The following ABCC1 variants were observed in gnomAD, a reference collection of about 807,000 sequenced individuals.
ABCC1 encodes the protein ATP binding cassette subfamily C member 1 (ABCC1 blood group).
ABCC1 carries 83 observed loss-of-function variants against 172.9 expected under a neutral mutation model. The observed-to-expected ratio is 0.48, with a 90% CI of 0.40 to 0.58. The LOEUF is 0.58. Among genes scored for constraint, ABCC1 ranks in the 20% least tolerant of loss-of-function variants. The probability of loss-of-function intolerance (pLI) is 0.00; values close to 1 mark genes in which losing one functional copy is unlikely to be tolerated. For synonymous variants in ABCC1, 937 were observed against 825.2 expected (o/e 1.14, Z -2.32); for missense variants, 1,817 against 2,002.7 (o/e 0.91, Z 1.77).
intron 19 of ABCC1, 96 bp downstream of exon 19, chr16:16,090,684 GGCGGC>G: frequency 7.3e-7 from 1 of 1,372,042 alleles, no homozygotes; most frequent in Non-Finnish European, 9.7e-7. Flanking sequence ...ACTTGGGGAA[GGCGGC>G]TCCTCAGGGC....
At chr16:16,000,889 G>C (rs1467657768) in intron 1 of ABCC1, among the ~76,000 whole-genome samples, 1 of 152,200 alleles carries the variant, frequency 6.6e-6, no homozygotes, top group Non-Finnish European at 1.5e-5. Flanking sequence ...ACCTGAGTTG[G>C]ATTTTGAAGG....
At chr16:16,075,371 T>C (rs2050515567) in intron 14 of ABCC1, among the ~76,000 whole-genome samples, 1 of 151,442 alleles carries the variant, frequency 6.6e-6, no homozygotes, top group African/African-American at 2.4e-5. Context: ...ATGCCTGTAA[T>C]CCCGGCACTT....
chr16:16,101,016 T>C (rs1256169950), intron 19 of ABCC1, among the ~76,000 whole-genome samples: 1 of 99,442 alleles, frequency 1.0e-5, no homozygotes, highest in Non-Finnish European at 1.9e-5. Context: ...GTTTTTTAGA[T>C]TTTTTTTTTA....
chr16:15,954,418 C>T (rs2045942532), intron 1 of ABCC1, among the ~76,000 whole-genome samples: 1 of 152,090 alleles, frequency 6.6e-6, no homozygotes, highest in African/African-American at 2.4e-5. Context: ...GATGTCAGAT[C>T]TTGGGGGGCC....
rs2050356157 is a variant in ABCC1, at chr16:16,071,702, A to G, written c.1885A>G (p.Ser629Gly). Residue 629 changes from serine to glycine, a missense_variant, in exon 14 of 31, where the codon AGC becomes GGC. Coordinates refer to ENST00000399410, the MANE Select transcript of ABCC1 (RefSeq NM_004996.4). Reference protein sequence around the residue: ...FLSHEELEPDSIERRPVKDGG... With the variant: ...FLSHEELEPDGIERRPVKDGG... Reference sequence around the variant, plus strand: ...CTCCCATGAGGAGCTGGAACCTGACAGCATCGAGCGACGGCCTGTCAAAGA... The same window carrying G: ...CTCCCATGAGGAGCTGGAACCTGACGGCATCGAGCGACGGCCTGTCAAAGA... 6.2e-7 allele frequency: 1 copy of G among 1,613,970 alleles called. No individual in the cohort carries two copies. Among genetic ancestry groups the G allele is most frequent in the Non-Finnish European group, 8.5e-7 (1 of 1,179,966 alleles).
At chr16:15,984,690 C>A (rs1377357455) in intron 1 of ABCC1, among the ~76,000 whole-genome samples, 1 of 152,002 alleles carries the variant, frequency 6.6e-6, no homozygotes, top group South Asian at 2.1e-4. Context: ...GTGATCTGCC[C>A]ACCTTGGCCT....
rs1315797751 is a variant in ABCC1 at position 16,018,924 on chromosome 16, G to T, written c.615+2303G>T. On this transcript the variant is annotated intron_variant, in intron 5 of 30. Coordinates refer to ENST00000399410, the MANE Select transcript of ABCC1 (RefSeq NM_004996.4). ...AGGCCAAGGCTAGAGGATCGCTTGA[G>T]CCCAGGGGTCACCCCATTTTGGATC... Among the ~76,000 whole-genome samples, 6 of 152,078 alleles carry T rather than the reference G, an allele frequency of 3.9e-5. No individual in the cohort carries two copies. In the South Asian group the frequency reaches 1.2e-3, roughly 31 times the overall value.
rs572852787 is a variant in ABCC1 at position 16,056,879 on chromosome 16, C to G, written c.1677+584C>G. On this transcript the variant is annotated intron_variant, in intron 12 of 30. Transcript: ENST00000399410. ...CCCCCTGCTTCCTGCATTAAGATAG[C>G]CTTGCAAGACAAAAAGTGCGAGCTG... is the stretch of plus-strand genomic sequence containing the variant. Among the ~76,000 whole-genome samples, 6 of 152,280 alleles carry G rather than the reference C, an allele frequency of 3.9e-5. No homozygotes were observed. In the South Asian group the frequency reaches 6.2e-4, roughly 16 times the overall value.
At chr16:16,103,793 C>T (rs2051902885) in intron 20 of ABCC1, among the ~76,000 whole-genome samples, 2 of 152,112 alleles carry the variant, frequency 1.3e-5, no homozygotes, top group African/African-American at 2.4e-5. Flanking sequence ...TCGCTTTTGC[C>T]ATGGTTATCA....
chr16:16,107,384 G>A (rs577464399), intron 21 of ABCC1, among the ~76,000 whole-genome samples: 1 of 152,080 alleles, frequency 6.6e-6, no homozygotes. Context: ...CTGCCTCCTG[G>A]GTTCAAGCAG....
chr16:16,132,365 G>T (rs1306666920), intron 27 of ABCC1, among the ~76,000 whole-genome samples: 1 of 150,682 alleles, frequency 6.6e-6, no homozygotes, highest in African/African-American at 2.4e-5. Flanking sequence ...TAGAGATGGG[G>T]GTCCTACTAT....
intron 5 of ABCC1, among the ~76,000 whole-genome samples, chr16:16,021,457 C>T (rs756805551): frequency 5.9e-5 from 9 of 152,032 alleles, no homozygotes; most frequent in Non-Finnish European, 1.2e-4. Context: ...TGGCTTACAC[C>T]TATAAACCCA....
At chr16:16,003,212 G>A (rs113221147) in intron 1 of ABCC1, among the ~76,000 whole-genome samples, 74 of 146,294 alleles carry the variant, frequency 5.1e-4, no homozygotes, top group Non-Finnish European at 7.5e-4. Flanking sequence ...TGGATGAATT[G>A]GTGGATGGGT....
At chr16:15,983,240 C>T (rs534205170) in intron 1 of ABCC1, among the ~76,000 whole-genome samples, 4 of 152,150 alleles carry the variant, frequency 2.6e-5, no homozygotes, top group Admixed American at 2.0e-4. Context: ...AGAAAGACTC[C>T]AGGTAGAGGG....
intron 12 of ABCC1, among the ~76,000 whole-genome samples, chr16:16,065,521 C>T (rs745622485): frequency 1.2e-4 from 19 of 152,174 alleles, no homozygotes; most frequent in Non-Finnish European, 2.4e-4. Flanking sequence ...CAACCTCCAC[C>T]TCCCGGGTTA....
At position 16,076,340 on chromosome 16, in the gene ABCC1, A is replaced by G. The variant is rs371578824; in HGVS notation, c.1927A>G (p.Ser643Gly). ...RPVKDGGGTN[S>G]ITVRNATFTW... Reference sequence around the variant, plus strand: ...GTGCTTTGTAGGCGGGGGCACGAACAGCATCACCGTGAGGAATGCCACATT... The same window carrying G: ...GTGCTTTGTAGGCGGGGGCACGAACGGCATCACCGTGAGGAATGCCACATT... Residue 643 changes from serine to glycine, a missense_variant, in exon 15 of 31, where the codon AGC becomes GGC. Physicochemically the swap from Ser to Gly is moderately conservative, Grantham distance 56 (BLOSUM62 0). Coordinates refer to ENST00000399410, the MANE Select transcript of ABCC1 (RefSeq NM_004996.4). 7 of 1,612,398 alleles carry G rather than the reference A, an allele frequency of 4.3e-6. No homozygotes were observed. The highest frequency in any genetic ancestry group is 4.0e-5 in the African/African-American group (3 of 74,878).
chr16:16,003,543 A>G (rs1207472734), intron 1 of ABCC1, among the ~76,000 whole-genome samples: 6 of 130,634 alleles, frequency 4.6e-5, no homozygotes, highest in African/African-American at 8.4e-5. Context: ...AGGTGGGTGG[A>G]TGGATGGATG....
intron 2 of ABCC1, 79 bp downstream of exon 2, chr16:16,008,071 TTTCTC>T: frequency 7.2e-7 from 1 of 1,388,902 alleles, no homozygotes; most frequent in Non-Finnish European, 9.9e-7. Context: ...ATAACTGACA[TTTCTC>T]TTCTACTTAG....
chr16:16,125,676 G>A (rs2045399763), intron 25 of ABCC1, 134 bp from the exon 26 acceptor site: 1 of 627,366 alleles, frequency 1.6e-6, no homozygotes, highest in Non-Finnish European at 2.7e-6. Flanking sequence ...CAGGTGATCT[G>A]ACCGCCTCAG....
Sources: gnomAD v4.1 joint callset for allele counts (sites outside exome capture counted in the v4.1 genomes callset) on GRCh38, gnomAD v4.1.1 for gene constraint, MANE v1.5 for transcripts, NCBI Gene and HGNC (gene_info 2026-07-23, HGNC 2026-07-21) for gene names.